Variants in RAD51B observed in about 807,000 individuals in gnomAD.
The protein encoded by RAD51B is RAD51 paralog B, also known as DNA repair protein RAD51 homolog 2.
Under a neutral mutation model 42.2 loss-of-function variants are expected in RAD51B, and 38 were observed. The observed-to-expected ratio is 0.90, with a 90% CI of 0.70 to 1.18. The LOEUF (loss-of-function observed/expected upper bound fraction) is 1.18. RAD51B is among the 50% of genes most tolerant of loss of function. The pLI is 0.00. For missense variants in RAD51B, 373 were observed against 400.7 expected, an observed-to-expected ratio of 0.93 and a Z score of 0.59; for synonymous variants, 154 against 145.2, an observed-to-expected ratio of 1.06 and a Z score of -0.43.
downstream of RAD51B, among the ~76,000 whole-genome samples, chr14:68,478,905 G>A (rs966175989): frequency 2.0e-5 from 3 of 152,182 alleles, no homozygotes; most frequent in African/African-American, 7.2e-5. Context: ...CTCAGTGTGT[G>A]CCTGCCCTCC....
At chr14:67,960,473 AAT>A (rs2074641008) in intron 7 of RAD51B, among the ~76,000 whole-genome samples, 1 of 152,186 alleles carries the variant, frequency 6.6e-6, no homozygotes, top group African/African-American at 2.4e-5. Context: ...ACTTTAGAAA[AAT>A]AGATTTTTGT....
intron 7 of RAD51B, among the ~76,000 whole-genome samples, chr14:68,178,825 G>A (rs1284544904): frequency 6.6e-6 from 1 of 152,168 alleles, no homozygotes; most frequent in African/African-American, 2.4e-5. Context: ...TTGTTTGGCT[G>A]TGACATGCGT....
intron 7 of RAD51B, among the ~76,000 whole-genome samples, chr14:67,888,356 T>C (rs531239429): frequency 5.8e-4 from 88 of 152,308 alleles, no homozygotes; most frequent in Admixed American, 1.5e-3. Flanking sequence ...CTTGATTGAA[T>C]AGAAAGTTAT....
intron 7 of RAD51B, among the ~76,000 whole-genome samples, chr14:68,170,683 C>T (rs1415241727): frequency 6.6e-6 from 1 of 151,986 alleles, no homozygotes; most frequent in Non-Finnish European, 1.5e-5. Context: ...TCATCTCATC[C>T]TATTAAAAAC....
At chr14:68,121,161 CAT>C (rs1174707964) in intron 7 of RAD51B, among the ~76,000 whole-genome samples, 7 of 152,098 alleles carry the variant, frequency 4.6e-5, no homozygotes, top group Admixed American at 3.3e-4. Context: ...TTTATTATGT[CAT>C]AGATTAATCA....
intron 7 of RAD51B, among the ~76,000 whole-genome samples, chr14:67,986,851 C>T (rs868736300): frequency 2.6e-5 from 4 of 152,158 alleles, no homozygotes; most frequent in African/African-American, 4.8e-5. Context: ...CATGACTCGG[C>T]CTCCTGAGTA....
At chr14:67,961,173 A>AT (rs1203937360) in intron 7 of RAD51B, among the ~76,000 whole-genome samples, 1 of 150,622 alleles carries the variant, frequency 6.6e-6, no homozygotes, top group Non-Finnish European at 1.5e-5. Context: ...CACCTGGCTA[A>AT]TTTTTTTATT....
intron 7 of RAD51B, among the ~76,000 whole-genome samples, chr14:67,996,217 G>A (rs1566565347): frequency 6.6e-6 from 1 of 151,596 alleles, no homozygotes; most frequent in Non-Finnish European, 1.5e-5. Flanking sequence ...GGAACAAAGT[G>A]AGACCCGGCC....
intron 9 of RAD51B, among the ~76,000 whole-genome samples, chr14:68,448,837 T>C (rs1419366766): frequency 1.3e-5 from 2 of 152,290 alleles, no homozygotes; most frequent in African/African-American, 2.4e-5. Flanking sequence ...AGAGAGGGGA[T>C]GTTTTTGTTT....
chr14:68,654,864 T>C (rs1265077047), intron 11 of RAD51B, among the ~76,000 whole-genome samples: 1 of 152,216 alleles, frequency 6.6e-6, no homozygotes, highest in East Asian at 1.9e-4. Context: ...CTGCCGTTCA[T>C]GCTCCCCAGC....
intron 7 of RAD51B, among the ~76,000 whole-genome samples, chr14:68,123,213 G>A (rs1302986734): frequency 4.4e-5 from 5 of 112,884 alleles, no homozygotes; most frequent in Admixed American, 4.3e-4. Context: ...TTTTTTTTGA[G>A]ACAGAGCTGT....
At chr14:68,445,548 TGTTA>T (rs1411790593) in intron 9 of RAD51B, among the ~76,000 whole-genome samples, 1 of 152,198 alleles carries the variant, frequency 6.6e-6, no homozygotes, top group Non-Finnish European at 1.5e-5. Context: ...AGAGATTAAT[TGTTA>T]GTTGTTATTG....
At chr14:68,017,895 C>T (rs181915952) in intron 7 of RAD51B, among the ~76,000 whole-genome samples, 2 of 152,022 alleles carry the variant, frequency 1.3e-5, no homozygotes, top group East Asian at 1.9e-4. Flanking sequence ...GACTTGAACC[C>T]GGGAGGCGGA....
At chr14:68,605,376 A>G (rs1759336430) in intron 10 of RAD51B, among the ~76,000 whole-genome samples, 1 of 152,392 alleles carries the variant, frequency 6.6e-6, no homozygotes, top group African/African-American at 2.4e-5. Flanking sequence ...AGATGGAACA[A>G]TGGTGAGAGT....
intron 7 of RAD51B, among the ~76,000 whole-genome samples, chr14:68,200,165 A>G (rs1053318053): frequency 2.6e-5 from 4 of 152,204 alleles, no homozygotes; most frequent in Non-Finnish European, 5.9e-5. Flanking sequence ...GAAGACACAA[A>G]GGAGTAATCG....
intron 7 of RAD51B, among the ~76,000 whole-genome samples, chr14:68,012,674 T>C (rs893644868): frequency 2.6e-5 from 4 of 152,156 alleles, no homozygotes; most frequent in Admixed American, 2.6e-4. Flanking sequence ...ATGTGGTATA[T>C]AAAATAAAAA....
intron 7 of RAD51B, among the ~76,000 whole-genome samples, chr14:68,144,920 A>AT (rs755316326): frequency 8.6e-5 from 13 of 152,016 alleles, no homozygotes; most frequent in African/African-American, 1.4e-4. Flanking sequence ...CTACAAAGCC[A>AT]TTTTTTTCCA....
chr14:67,927,858 C>T (rs2044582612), intron 7 of RAD51B, among the ~76,000 whole-genome samples: 1 of 148,828 alleles, frequency 6.7e-6, no homozygotes, highest in Non-Finnish European at 1.5e-5. Flanking sequence ...ATGAATCCCA[C>T]TTGATCATGG....
chr14:68,331,149 G>C (rs2082338838), intron 8 of RAD51B, among the ~76,000 whole-genome samples: 2 of 152,032 alleles, frequency 1.3e-5, no homozygotes, highest in African/African-American at 2.4e-5. Flanking sequence ...AGATCATGAG[G>C]TCAGGAGTTC....
Sources: allele counts gnomAD v4.1 joint callset (sites outside exome capture counted in the v4.1 genomes callset), GRCh38; gene constraint gnomAD v4.1.1; transcripts MANE v1.5; gene names NCBI Gene and HGNC (gene_info 2026-07-23, HGNC 2026-07-21).